Variants in OPTN observed in about 807,000 individuals in gnomAD.
The protein encoded by OPTN is E3-14.7K-interacting protein.
Under a neutral mutation model 70.4 loss-of-function variants are expected in OPTN, and 54 were observed. That is an observed-to-expected ratio of 0.77 (90% CI 0.62 to 0.96). OPTN has a LOEUF of 0.96. Among genes scored for constraint, OPTN ranks in the 40% least tolerant of loss-of-function variants. The probability of loss-of-function intolerance (pLI) is 0.00; values close to 1 mark genes in which losing one functional copy is unlikely to be tolerated. For missense variants in OPTN, 624 were observed against 673.2 expected (o/e 0.93, Z 0.81); for synonymous variants, 256 against 248.5 (o/e 1.03, Z -0.28).
intron 2 of OPTN, among the ~76,000 whole-genome samples, 196 bp downstream of exon 2, chr10:13,108,485 G>C (rs917013607): frequency 6.0e-5 from 9 of 151,248 alleles, no homozygotes; most frequent in African/African-American, 1.9e-4. Context: ...CATATATCCT[G>C]ATCATCATGA....
At chr10:13,116,148 T>G in intron 5 of OPTN, 119 bp from the exon 6 acceptor site, 1 of 747,288 alleles carries the variant, frequency 1.3e-6, no homozygotes, top group Non-Finnish European at 2.4e-6. Context: ...ATCTGAATGT[T>G]TGGAAGCTTC....
intron 3 of OPTN, chr10:13,109,498 C>G: frequency 1.8e-6 from 1 of 569,600 alleles, no homozygotes; most frequent in Admixed American, 3.0e-5. Flanking sequence ...GTGTGTATCT[C>G]AAGGAAGTAG....
At chr10:13,126,409 T>C in intron 11 of OPTN, among the ~76,000 whole-genome samples, 2 of 151,034 alleles carry the variant, frequency 1.3e-5, no homozygotes, top group South Asian at 2.1e-4. Context: ...GCCTCCCGAG[T>C]AGCTGGGACT....
In OPTN at chr10:13,137,952, A is replaced by C. The variant is rs1833731269; in HGVS notation, c.*1086A>C. ...ATCTTCATAATCACAAGAATTAGTG[A>C]TGGCAAAATAAAATTTTGCTTATGA... On this transcript the variant is annotated 3_prime_UTR_variant, in exon 15 of 15. Transcript: ENST00000378747. The C allele has an allele frequency of 4.7e-6, 1 of 214,264 alleles. No individual in the cohort carries two copies. The highest frequency in any genetic ancestry group is 1.9e-4 in the South Asian group (1 of 5,340). The allele number at this position is 214,264 out of a possible 1,614,324, so 13.3% of individuals were successfully genotyped here. A position where few individuals can be genotyped will look rare whatever the true frequency, so the allele number is the denominator to read the frequency against.
chr10:13,108,618 C>G (rs1450912447), intron 2 of OPTN, among the ~76,000 whole-genome samples: 1 of 150,766 alleles, frequency 6.6e-6, no homozygotes, highest in Non-Finnish European at 1.5e-5. Flanking sequence ...GCGATCTTGG[C>G]TCACTGCAAG....
chr10:13,110,487 C>G lies in OPTN; in HGVS notation c.369+11C>G, dbSNP rs374267986. 44 of 1,599,624 alleles carry G rather than the reference C, an allele frequency of 2.8e-5. No homozygotes were observed. Among genetic ancestry groups the G allele is most frequent in the Non-Finnish European group, 3.5e-5 (41 of 1,174,484 alleles). ...GAAAGGTCATCTGAGGTGAGCAGAC[C>G]GATCCATTGTGATGTTGTTTTTTTT... On this transcript the variant is annotated intron_variant, in intron 4 of 14. Transcript: ENST00000378747.
At position 13,137,064 on chromosome 10, in the gene OPTN, G is replaced by A; in HGVS notation, c.*198G>A. The A allele has an allele frequency of 3.1e-6, 2 of 640,188 alleles. No homozygotes were observed. Among genetic ancestry groups the A allele is most frequent in the Admixed American group, 4.5e-5 (2 of 44,478 alleles). 39.7% of individuals were successfully genotyped at this position (640,188 alleles called of 1,614,324 possible). The stretch of plus-strand genomic sequence containing the variant: ...GGAGGTCGAGGTGGGTGGATCACTT[G>A]GGGTCAGGGTTTGAGACCAGCCTGG... On this transcript the variant is annotated 3_prime_UTR_variant, in exon 15 of 15. Transcript: ENST00000378747.
At chr10:13,110,235 T>C (rs1405578900) in intron 3 of OPTN, 39 bp from the exon 4 acceptor site, 1 of 1,609,434 alleles carries the variant, frequency 6.2e-7, no homozygotes, top group Non-Finnish European at 8.5e-7. Flanking sequence ...CAAGTCCACT[T>C]TCCTGGTGTG....
rs550343825 is a variant in OPTN at position 13,117,854 on chromosome 10, T to C, written c.627-1034T>C. Among the ~76,000 whole-genome samples the C allele has an allele frequency of 6.6e-5, 10 of 152,340 alleles. No homozygotes were observed. The South Asian group carries it at 1.4e-3, about 22-fold the overall frequency. ...CTTCCGTTATGTTTCTAAGCCCTTGTATAAGGAAGAAAGTAAGTATTAGAT... is the reference window on the plus strand; with the variant it reads ...CTTCCGTTATGTTTCTAAGCCCTTGCATAAGGAAGAAAGTAAGTATTAGAT... On this transcript the variant is annotated intron_variant, in intron 6 of 14. Transcript: ENST00000378747.
intron 5 of OPTN, among the ~76,000 whole-genome samples, chr10:13,114,089 G>C: frequency 6.6e-6 from 1 of 151,360 alleles, no homozygotes; most frequent in Admixed American, 6.6e-5. Context: ...AAAAAGAAAA[G>C]AAAAAAAATT....
intron 11 of OPTN, among the ~76,000 whole-genome samples, chr10:13,126,280 TTTC>T (rs1462234326): frequency 4.2e-5 from 6 of 142,418 alleles, no homozygotes; most frequent in African/African-American, 1.6e-4. Flanking sequence ...GCACTTCGTA[TTTC>T]TTTTTTTTTT....
intron 5 of OPTN, among the ~76,000 whole-genome samples, chr10:13,114,098 T>A (rs905436839): frequency 1.3e-5 from 2 of 151,188 alleles, no homozygotes; most frequent in Non-Finnish European, 3.0e-5. Flanking sequence ...AGAAAAAAAA[T>A]TGTGTCCTTG....
At chr10:13,103,741 T>C (rs374301335) in intron 1 of OPTN, among the ~76,000 whole-genome samples, 91 of 31,016 alleles carry the variant, frequency 2.9e-3, no homozygotes, top group African/African-American at 5.9e-3. Context: ...TACACACACA[T>C]GCACACACAC....
intron 1 of OPTN, chr10:13,104,671 A>G (rs1832826099): frequency 2.9e-6 from 2 of 690,170 alleles, no homozygotes; most frequent in Admixed American, 1.8e-5. Flanking sequence ...CCACACATTC[A>G]TCTATCACAA....
At chr10:13,104,254 CTTTTTTTT>C (rs60982439) in intron 1 of OPTN, among the ~76,000 whole-genome samples, 1 of 97,840 alleles carries the variant, frequency 1.0e-5, no homozygotes, top group Admixed American at 1.4e-4. Context: ...GTTTTTTTTT[CTTTTTTTT>C]TTTTTTTTTT....
intron 5 of OPTN, among the ~76,000 whole-genome samples, chr10:13,114,814 T>TAATATAATTATATAATTATATAACGTA (rs1833102379): frequency 1.5e-5 from 1 of 66,690 alleles, no homozygotes; most frequent in Non-Finnish European, 2.5e-5. Flanking sequence ...ATATATATAA[T>TAATATAATTATATAATTATATAACGTA]TATATAATTA....
rs1027883956 is a variant in OPTN at position 13,138,018 on chromosome 10, T to G, written c.*1152T>G. On this transcript the variant is annotated 3_prime_UTR_variant, in exon 15 of 15. Transcript: ENST00000378747. ...TATATATGATTAATATCATCATATA[T>G]ATTTTCTGTATTAAGCTCATTTGGC... is the stretch of plus-strand genomic sequence containing the variant. The G allele has an allele frequency of 4.9e-6, 1 of 202,874 alleles. No individual in the cohort carries two copies. The highest frequency in any genetic ancestry group is 2.3e-5 in the African/African-American group (1 of 43,648). The allele number at this position is 202,874 out of a possible 1,614,324, so 12.6% of individuals were successfully genotyped here.
chr10:13,123,368 C>T (rs755460287), intron 8 of OPTN, among the ~76,000 whole-genome samples: 5 of 152,132 alleles, frequency 3.3e-5, no homozygotes, highest in Non-Finnish European at 7.4e-5. Context: ...TTAATTTATT[C>T]AACAAATATG....
At chr10:13,109,749 T>C in intron 3 of OPTN, 1 of 166,878 alleles carries the variant, frequency 6.0e-6, no homozygotes, top group Non-Finnish European at 1.3e-5. Flanking sequence ...GTTGGAGGAT[T>C]GCTTGAGCCT....
Sources: gnomAD v4.1 joint callset for allele counts (sites outside exome capture counted in the v4.1 genomes callset) on GRCh38, gnomAD v4.1.1 for gene constraint, MANE v1.5 for transcripts, NCBI Gene and HGNC (gene_info 2026-07-23, HGNC 2026-07-21) for gene names.